Variants in CHRM1 observed in about 807,000 individuals in gnomAD.
CHRM1 encodes cholinergic receptor muscarinic 1, also known as muscarinic acetylcholine receptor M1.
CHRM1 carries 5 observed loss-of-function variants against 31.6 expected under a neutral mutation model. The observed-to-expected ratio is 0.16, with a 90% confidence interval of 0.08 to 0.33. The LOEUF (loss-of-function observed/expected upper bound fraction) is 0.33. Ranked by LOEUF, CHRM1 falls within the 10% of genes least tolerant of loss-of-function variation. CHRM1 has a pLI of 1.00. For synonymous variants in CHRM1, 227 were observed against 249.7 expected, an observed-to-expected ratio of 0.91 and a Z score of 0.86; for missense variants, 338 against 610.3, an observed-to-expected ratio of 0.55 and a Z score of 4.70.
At chr11:62,916,274 G>A (rs2085899981) in intron 1 of CHRM1, among the ~76,000 whole-genome samples, 1 of 152,158 alleles carries the variant, frequency 6.6e-6, no homozygotes, top group Admixed American at 6.5e-5. Context: ...TACTAAGTCC[G>A]GAAGCCAACA....
At chr11:62,920,146 C>T (rs1399913100) in intron 1 of CHRM1, among the ~76,000 whole-genome samples, 1 of 152,218 alleles carries the variant, frequency 6.6e-6, no homozygotes, top group Non-Finnish European at 1.5e-5. Flanking sequence ...GCCCACTGAA[C>T]AGCTGATTAC....
chr11:62,909,617 T>G lies in CHRM1; in HGVS notation c.*101A>C. 7.0e-7 allele frequency: 1 copy of G among 1,425,778 alleles called. No individual in the cohort carries two copies. The highest frequency in any genetic ancestry group is 2.1e-5 in the Admixed American group (1 of 46,968). 88.3% of individuals were successfully genotyped at this position (1,425,778 alleles called of 1,614,324 possible). A position where few individuals can be genotyped will look rare whatever the true frequency, so the allele number is the denominator to read the frequency against. ...TGACCCAGGGTCCTGGGAAGCCAGG[T>G]GAGGCCTGAGCAGGGCCCTGGGGCT... On this transcript the variant is annotated 3_prime_UTR_variant, in exon 2 of 2. Transcript: ENST00000306960.
At position 62,911,107 on chromosome 11, in the gene CHRM1, T is replaced by G. The variant is rs763182096; in HGVS notation, c.-7A>C. 5 of 1,611,836 alleles carry G rather than the reference T, an allele frequency of 3.1e-6. No individual in the cohort carries two copies. The highest frequency in any genetic ancestry group is 4.2e-6 in the Non-Finnish European group (5 of 1,178,638). On this transcript the variant is annotated 5_prime_UTR_variant, in exon 2 of 2. Coordinates refer to ENST00000306960, the MANE Select transcript of CHRM1 (RefSeq NM_000738.3). ...GTGGGGCTGAAGTGTTCATGGTGGCTAGGTGGGGCTGGGGTTGGAGAGCCC... is the reference window on the plus strand; with the variant it reads ...GTGGGGCTGAAGTGTTCATGGTGGCGAGGTGGGGCTGGGGTTGGAGAGCCC...
intron 1 of CHRM1, among the ~76,000 whole-genome samples, chr11:62,917,726 C>T (rs767712045): frequency 1.3e-5 from 2 of 152,124 alleles, no homozygotes; most frequent in Non-Finnish European, 2.9e-5. Flanking sequence ...GGACTGTGGC[C>T]TCCTGATGAA....
chr11:62,912,671 G>T (rs192401396), intron 1 of CHRM1, among the ~76,000 whole-genome samples: 1 of 152,366 alleles, frequency 6.6e-6, no homozygotes, highest in East Asian at 1.9e-4. Flanking sequence ...CACAGCCACA[G>T]TGAAGCCAGA....
intron 1 of CHRM1, among the ~76,000 whole-genome samples, chr11:62,913,138 G>C (rs1242385976): frequency 2.6e-5 from 4 of 152,190 alleles, no homozygotes; most frequent in Non-Finnish European, 5.9e-5. Context: ...TTTGAATCTA[G>C]TCTATCCTGT....
rs2135037624 is a variant in CHRM1, at chr11:62,908,791, A to G, written c.*927T>C. ...GATCCGGGTGGCTGGGAGGCCATGC[A>G]TGGGTTGGATTGGGGAGCTCACAGG... On this transcript the variant is annotated 3_prime_UTR_variant, in exon 2 of 2. Transcript: ENST00000306960. The G allele has an allele frequency of 6.5e-6, 1 of 153,046 alleles. No individual in the cohort carries two copies. The highest frequency in any genetic ancestry group is 1.9e-4 in the East Asian group (1 of 5,192). 9.5% of individuals were successfully genotyped at this position (153,046 alleles called of 1,614,324 possible). A position where few individuals can be genotyped will look rare whatever the true frequency, so the allele number is the denominator to read the frequency against.
chr11:62,910,411 C>T lies in CHRM1; in HGVS notation c.690G>A (p.Thr230=), dbSNP rs144107564. 534 of 1,612,396 alleles carry T rather than the reference C, an allele frequency of 3.3e-4. No individual in the cohort carries two copies. Among genetic ancestry groups the T allele is most frequent in the Admixed American group, 1.0e-3 (63 of 60,032 alleles). Residue 230 remains threonine (T), a synonymous_variant, in exon 2 of 2, where the codon ACG becomes ACA. Coordinates refer to ENST00000306960, the MANE Select transcript of CHRM1 (RefSeq NM_000738.3). The surrounding 1 kb of genome is among the most constrained non-coding windows in gnomAD (Gnocchi z 8.7). ...TGCTGCTGCCACCCCCTTTGCCTGGCGTCTCGGAGCCCTGAAGGGCTGCCA... is the reference window on the plus strand; with the variant it reads ...TGCTGCTGCCACCCCCTTTGCCTGGTGTCTCGGAGCCCTGAAGGGCTGCCA... ...RELAALQGSE[T]PGKGGGSSSS...
At chr11:62,915,866 G>A (rs1472366314) in intron 1 of CHRM1, among the ~76,000 whole-genome samples, 1 of 152,154 alleles carries the variant, frequency 6.6e-6, no homozygotes, top group South Asian at 2.1e-4. Flanking sequence ...CTGGAGTGTA[G>A]TGATGTGATT....
At chr11:62,916,106 G>C (rs907124325) in intron 1 of CHRM1, among the ~76,000 whole-genome samples, 9 of 152,102 alleles carry the variant, frequency 5.9e-5, no homozygotes, top group Admixed American at 5.9e-4. Context: ...CACAGCACCC[G>C]GCCCTGTTGT....
At chr11:62,912,562 C>T (rs914155321) in intron 1 of CHRM1, among the ~76,000 whole-genome samples, 1 of 152,266 alleles carries the variant, frequency 6.6e-6, no homozygotes, top group South Asian at 2.1e-4. Context: ...GGAAGATCCC[C>T]CAGACTTTTC....
At chr11:62,913,524 A>G (rs1380820961) in intron 1 of CHRM1, among the ~76,000 whole-genome samples, 1 of 152,106 alleles carries the variant, frequency 6.6e-6, no homozygotes, top group Non-Finnish European at 1.5e-5. Flanking sequence ...ATACAAAATT[A>G]GCCAGGGGTG....
intron 1 of CHRM1, among the ~76,000 whole-genome samples, chr11:62,919,076 A>C (rs1415697041): frequency 2.6e-5 from 4 of 151,972 alleles, no homozygotes; most frequent in African/African-American, 9.7e-5. Flanking sequence ...TCACATATGC[A>C]ATGAGGAGGG....
chr11:62,920,267 A>G (rs1246662314), intron 1 of CHRM1, among the ~76,000 whole-genome samples: 1 of 152,130 alleles, frequency 6.6e-6, no homozygotes, highest in African/African-American at 2.4e-5. Context: ...TTGTGCAAAG[A>G]TGTGAACCCC....
At chr11:62,911,430 G>A (rs1214228535) in intron 1 of CHRM1, among the ~76,000 whole-genome samples, 1 of 152,106 alleles carries the variant, frequency 6.6e-6, no homozygotes, top group Non-Finnish European at 1.5e-5. Context: ...TCAGACTCCA[G>A]GCCTCCATTT....
Position 62,909,836 on chromosome 11 carries a change from T to C in CHRM1, c.1265A>G (p.Asn422Ser). 2 of 1,614,230 alleles carry C rather than the reference T, an allele frequency of 1.2e-6. No individual in the cohort carries two copies. The highest frequency in any genetic ancestry group is 1.7e-6 in the Non-Finnish European group (2 of 1,180,032). The change falls in exon 2 of 2, where the codon AAC becomes AGC. Residue 422 changes from asparagine (N) to serine (S), a missense_variant. By Grantham distance (46) the Asn-to-Ser change is conservative (BLOSUM62 1). Coordinates refer to ENST00000306960, the MANE Select transcript of CHRM1 (RefSeq NM_000738.3). ...GCGAAAGGTGTCCCGGAAGGCTTTG[T>C]TGCAGAGTGCGTAGCACATGGGGTT... ...TINPMCYALC[N>S]KAFRDTFRLL...
chr11:62,913,553 C>T (rs1035586726), intron 1 of CHRM1, among the ~76,000 whole-genome samples: 7 of 151,890 alleles, frequency 4.6e-5, no homozygotes, highest in Non-Finnish European at 8.8e-5. Flanking sequence ...TGGCTGTAAC[C>T]CTAGCTACTC....
intron 1 of CHRM1, chr11:62,918,058 C>T (rs1352733173): frequency 6.6e-6 from 1 of 152,306 alleles, no homozygotes; most frequent in Admixed American, 6.6e-5. Flanking sequence ...TTGAACCCTA[C>T]TCCTGCCCTT....
chr11:62,916,395 G>A (rs1052466406), intron 1 of CHRM1, among the ~76,000 whole-genome samples: 1 of 152,188 alleles, frequency 6.6e-6, no homozygotes, highest in Non-Finnish European at 1.5e-5. Context: ...TGCGAATACG[G>A]TGCCCATCAC....
Sources: allele counts gnomAD v4.1 joint callset (sites outside exome capture counted in the v4.1 genomes callset), GRCh38; gene constraint gnomAD v4.1.1; non-coding constraint Gnocchi (gnomAD v3.1); transcripts MANE v1.5; gene names NCBI Gene and HGNC (gene_info 2026-07-23, HGNC 2026-07-21).